The following EPHA6 variants were observed in gnomAD, a reference collection of about 807,000 sequenced individuals.
The protein encoded by EPHA6 is EPH receptor A6, also known as ephrin type-A receptor 6.
In EPHA6, 50 loss-of-function variants were observed where a neutral mutation model predicts 112.0. The observed-to-expected ratio is 0.45, with a 90% confidence interval of 0.36 to 0.56. The LOEUF (loss-of-function observed/expected upper bound fraction) is 0.56, where lower values mean the gene tolerates loss of function less well. Among genes scored for constraint, EPHA6 ranks in the 20% least tolerant of loss-of-function variants. The pLI, the probability that EPHA6 is intolerant of heterozygous loss-of-function variation, is 0.00. For missense variants in EPHA6, 1,280 were observed against 1,417.4 expected, an observed-to-expected ratio of 0.90 and a Z score of 1.56; for synonymous variants, 529 against 490.7, an observed-to-expected ratio of 1.08 and a Z score of -1.03.
chr3:96,873,336 C>T (rs566558058), intron 2 of EPHA6, among the ~76,000 whole-genome samples: 176 of 151,938 alleles, frequency 1.2e-3, no homozygotes, highest in African/African-American at 4.0e-3. Flanking sequence ...GTGCTTTACC[C>T]GCTGATCTAA....
At chr3:97,215,481 G>A (rs972711823) in intron 3 of EPHA6, among the ~76,000 whole-genome samples, 1 of 152,034 alleles carries the variant, frequency 6.6e-6, no homozygotes, top group Non-Finnish European at 1.5e-5. Flanking sequence ...CATCATGGCA[G>A]GCATCTGTAA....
At chr3:96,952,966 C>T (rs1298373529) in intron 2 of EPHA6, among the ~76,000 whole-genome samples, 3 of 151,990 alleles carry the variant, frequency 2.0e-5, no homozygotes, top group East Asian at 1.9e-4. Flanking sequence ...CCCCGTGACA[C>T]GAGTTTACCT....
intron 3 of EPHA6, among the ~76,000 whole-genome samples, chr3:97,049,528 C>G (rs1273247160): frequency 2.0e-5 from 3 of 152,130 alleles, no homozygotes; most frequent in African/African-American, 7.2e-5. Context: ...ATTTAGTAAT[C>G]TCGTTTTACA....
intron 14 of EPHA6, among the ~76,000 whole-genome samples, chr3:97,674,033 G>A (rs1336805663): frequency 6.6e-6 from 1 of 152,198 alleles, no homozygotes; most frequent in Non-Finnish European, 1.5e-5. Flanking sequence ...TACTTAAAAT[G>A]ATGTATGTGC....
intron 11 of EPHA6, among the ~76,000 whole-genome samples, chr3:97,576,852 G>A (rs2093391745): frequency 1.3e-5 from 2 of 152,218 alleles, no homozygotes; most frequent in South Asian, 4.1e-4. Flanking sequence ...CAGTTTTTAA[G>A]TGTGAAAGGT....
At chr3:97,508,187 AT>A (rs1329697994) in intron 10 of EPHA6, among the ~76,000 whole-genome samples, 2 of 150,558 alleles carry the variant, frequency 1.3e-5, no homozygotes, top group Non-Finnish European at 3.0e-5. Flanking sequence ...GATCTTAGTT[AT>A]TTCTTGTCTT....
At chr3:96,936,781 C>G (rs1279815288) in intron 2 of EPHA6, among the ~76,000 whole-genome samples, 1 of 152,048 alleles carries the variant, frequency 6.6e-6, no homozygotes, top group East Asian at 1.9e-4. Flanking sequence ...CACAACAGTC[C>G]CTGGAGTGTG....
At chr3:97,333,104 A>G (rs1488842237) in intron 5 of EPHA6, among the ~76,000 whole-genome samples, 1 of 152,090 alleles carries the variant, frequency 6.6e-6, no homozygotes, top group Non-Finnish European at 1.5e-5. Flanking sequence ...TGAACAGAGT[A>G]TATTTCCATT....
intron 2 of EPHA6, among the ~76,000 whole-genome samples, chr3:96,948,836 G>A (rs1460607558): frequency 3.3e-5 from 5 of 152,120 alleles, no homozygotes; most frequent in Non-Finnish European, 5.9e-5. Context: ...TTGGAATAAG[G>A]TACAAAAGAC....
intron 3 of EPHA6, among the ~76,000 whole-genome samples, chr3:97,224,146 T>G (rs1208501260): frequency 3.3e-5 from 5 of 152,280 alleles, no homozygotes; most frequent in African/African-American, 9.6e-5. Flanking sequence ...AAAATATAAT[T>G]TCACCTGTTT....
chr3:97,524,188 T>G (rs945128380), intron 10 of EPHA6, among the ~76,000 whole-genome samples: 1 of 152,052 alleles, frequency 6.6e-6, no homozygotes, highest in Admixed American at 6.6e-5. Context: ...AGTCTTTCTT[T>G]GTGATTTGTG....
intron 5 of EPHA6, among the ~76,000 whole-genome samples, chr3:97,332,944 C>A (rs1022476691): frequency 1.3e-5 from 2 of 151,736 alleles, no homozygotes; most frequent in African/African-American, 4.8e-5. Context: ...TTGACTATTG[C>A]AGAGTCTGTC....
chr3:97,489,927 A>G (rs2091796868), intron 10 of EPHA6, among the ~76,000 whole-genome samples: 1 of 152,176 alleles, frequency 6.6e-6, no homozygotes, highest in East Asian at 1.9e-4. Flanking sequence ...TAGACTTTCA[A>G]TTAATTTTTG....
chr3:97,552,501 T>C (rs920452882), intron 11 of EPHA6, among the ~76,000 whole-genome samples: 33 of 152,182 alleles, frequency 2.2e-4, no homozygotes, highest in Non-Finnish European at 2.9e-5. Flanking sequence ...TAGTTCCAAA[T>C]ATAATGGAAT....
At chr3:97,561,269 G>T (rs113347936) in intron 11 of EPHA6, among the ~76,000 whole-genome samples, 1 of 152,036 alleles carries the variant, frequency 6.6e-6, no homozygotes, top group Non-Finnish European at 1.5e-5. Context: ...TGAGGAAAGC[G>T]TGTAAAAAGC....
At chr3:97,331,174 A>T (rs148693323) in intron 5 of EPHA6, among the ~76,000 whole-genome samples, 1 of 152,320 alleles carries the variant, frequency 6.6e-6, no homozygotes, top group Admixed American at 6.5e-5. Flanking sequence ...TGAAGGCAGA[A>T]ATAAAGATGT....
intron 14 of EPHA6, among the ~76,000 whole-genome samples, chr3:97,708,552 T>C (rs966967369): frequency 6.6e-6 from 1 of 152,232 alleles, no homozygotes; most frequent in Non-Finnish European, 1.5e-5. Context: ...AATCCCATTT[T>C]GGGGGAAGAA....
At position 97,752,072 on chromosome 3, in the gene EPHA6, T is replaced by C. The variant is rs1378369399; in HGVS notation, c.*3371T>C. Reference sequence around the variant, plus strand: ...ATCAAGAATTATAGCACTTTTGCAATGAGTTATAACTGGTGATAAATGTTC... The same window carrying C: ...ATCAAGAATTATAGCACTTTTGCAACGAGTTATAACTGGTGATAAATGTTC... On this transcript the variant is annotated 3_prime_UTR_variant, in exon 18 of 18. Transcript: ENST00000389672. The C allele has an allele frequency of 1.8e-5, 4 of 224,354 alleles. No homozygotes were observed. Among genetic ancestry groups the C allele is most frequent in the African/African-American group, 8.9e-5 (4 of 44,916 alleles). The allele number at this position is 224,354 out of a possible 1,614,324, so 13.9% of individuals were successfully genotyped here.
chr3:96,904,266 A>G (rs1229773141), intron 2 of EPHA6, among the ~76,000 whole-genome samples: 2 of 152,048 alleles, frequency 1.3e-5, no homozygotes, highest in African/African-American at 4.8e-5. Context: ...ACCATGGAAT[A>G]CTATGCAGTG....
Sources: allele counts gnomAD v4.1 joint callset (sites outside exome capture counted in the v4.1 genomes callset), GRCh38; gene constraint gnomAD v4.1.1; transcripts MANE v1.5; gene names NCBI Gene and HGNC (gene_info 2026-07-23, HGNC 2026-07-21).